PFKP: variants seen among roughly 807,000 people sequenced by gnomAD.
The protein encoded by PFKP is phosphofructokinase, platelet, also known as ATP-dependent 6-phosphofructokinase, platelet type.
Under a neutral mutation model 94.3 loss-of-function variants are expected in PFKP, and 101 were observed. That is an observed-to-expected ratio of 1.07 (90% CI 0.91 to 1.26). PFKP has a LOEUF of 1.26. Ranked by LOEUF, PFKP falls within the 50% of genes most tolerant of loss-of-function variation. The pLI is 0.00. For synonymous variants in PFKP, 573 were observed against 432.6 expected, an observed-to-expected ratio of 1.32 and a Z score of -4.03; for missense variants, 1,145 against 1,103.3, an observed-to-expected ratio of 1.04 and a Z score of -0.53.
intron 2 of PFKP, among the ~76,000 whole-genome samples, chr10:3,098,551 T>C (rs1588455022): frequency 6.6e-6 from 1 of 151,306 alleles, no homozygotes; most frequent in African/African-American, 2.4e-5. Context: ...GGCAGGCACC[T>C]GTAATCCCAG....
chr10:3,113,617 C>T (rs961277584), intron 13 of PFKP, 99 bp downstream of exon 13: 16 of 898,970 alleles, frequency 1.8e-5, no homozygotes, highest in Non-Finnish European at 2.5e-5. Context: ...CATACCTTTT[C>T]ATGCCTCAGT....
rs61731932 is a variant in PFKP at position 3,129,926 on chromosome 10, G to C, written c.1791G>C (p.Ala597=). The C allele has an allele frequency of 1.2e-6, 2 of 1,610,792 alleles. No homozygotes were observed. The highest frequency in any genetic ancestry group is 1.7e-4 in the Middle Eastern group (1 of 6,050). Residue 597 remains alanine (A), a synonymous_variant, in exon 17 of 22, where the codon GCG becomes GCC. Transcript: ENST00000381125. The part of the protein sequence containing the change: ...CGYLANMGGL[A]AGADAAYIFE... ...ACCTGGCCAACATGGGGGGGCTCGC[G>C]GCCGGAGCTGATGCCGCATACATTT...
intron 16 of PFKP, chr10:3,129,530 C>A: frequency 3.1e-5 from 13 of 416,224 alleles, no homozygotes; most frequent in Admixed American, 8.4e-5. Context: ...TCTTTTCCGT[C>A]CCCTTCTATG....
At chr10:3,104,327 G>C (rs916870050) in intron 5 of PFKP, among the ~76,000 whole-genome samples, 2 of 152,190 alleles carry the variant, frequency 1.3e-5, no homozygotes, top group African/African-American at 4.8e-5. Context: ...ACGGATTCAC[G>C]AAGTGTCGTG....
intron 1 of PFKP, chr10:3,069,308 C>T: frequency 1.3e-6 from 2 of 1,543,372 alleles, no homozygotes; most frequent in Non-Finnish European, 1.8e-6. Flanking sequence ...CGTGATGCAG[C>T]AGAGGATGGG....
intron 3 of PFKP, 48 bp downstream of exon 3, chr10:3,099,400 T>C (rs1588457558): frequency 7.1e-7 from 1 of 1,404,224 alleles, no homozygotes; most frequent in Non-Finnish European, 1.0e-6. Flanking sequence ...AGAGACTCTT[T>C]TATGTCTAGT....
intron 16 of PFKP, among the ~76,000 whole-genome samples, chr10:3,127,734 T>A (rs1838115177): frequency 6.6e-6 from 1 of 152,206 alleles, no homozygotes; most frequent in Non-Finnish European, 1.5e-5. Context: ...AGATGGGAAT[T>A]CTTCCCATTG....
chr10:3,076,031 A>AAAAAAAAAAAAAAAAT (rs1345659074), intron 1 of PFKP, among the ~76,000 whole-genome samples: 1 of 140,804 alleles, frequency 7.1e-6, no homozygotes, highest in East Asian at 2.2e-4. Context: ...AAAAAAAAAA[A>AAAAAAAAAAAAAAAAT]AAAAAAAAAG....
intron 19 of PFKP, among the ~76,000 whole-genome samples, chr10:3,133,956 C>CGTG (rs1182890537): frequency 1.3e-5 from 2 of 152,088 alleles, no homozygotes; most frequent in Non-Finnish European, 2.9e-5. Flanking sequence ...TACTTGACAC[C>CGTG]CCAAGTCAGA....
chr10:3,071,861 C>T (rs1242402719), intron 1 of PFKP, among the ~76,000 whole-genome samples: 4 of 152,218 alleles, frequency 2.6e-5, no homozygotes. Flanking sequence ...GTGGCAGGGC[C>T]TCAGTGATCC....
At chr10:3,112,307 C>T in intron 11 of PFKP, 21 bp downstream of exon 11, 1 of 1,599,550 alleles carries the variant, frequency 6.3e-7, no homozygotes, top group Non-Finnish European at 8.6e-7. Flanking sequence ...TTGGAGAAAG[C>T]TCTGCCCTGT....
intron 21 of PFKP, among the ~76,000 whole-genome samples, chr10:3,136,069 A>C (rs1016531886): frequency 2.0e-5 from 3 of 152,274 alleles, no homozygotes; most frequent in African/African-American, 7.2e-5. Context: ...ATCGAGACCA[A>C]CCTGGCTCAT....
At chr10:3,108,118 T>C in intron 8 of PFKP, 1 of 869,614 alleles carries the variant, frequency 1.1e-6, no homozygotes, top group Non-Finnish European at 1.6e-6. Context: ...AAGATTTTAT[T>C]TCCCGCTTAA....
At chr10:3,125,696 A>G (rs1362247892) in intron 16 of PFKP, among the ~76,000 whole-genome samples, 1 of 152,250 alleles carries the variant, frequency 6.6e-6, no homozygotes, top group African/African-American at 2.4e-5. Flanking sequence ...GGCTCTTTAG[A>G]GAGCCGAAAT....
intron 16 of PFKP, among the ~76,000 whole-genome samples, chr10:3,128,552 T>C (rs777404652): frequency 7.3e-4 from 111 of 152,186 alleles, no homozygotes; most frequent in Non-Finnish European, 1.0e-3. Flanking sequence ...GAGGCCAGAA[T>C]GTTTGCTCCA....
chr10:3,090,104 T>C lies in PFKP; in HGVS notation c.186+7643T>C, dbSNP rs79854171. ...TTTTTATTGGCTGAATAATATTCCA[T>C]TGTGTATCAAGATGTGGAATCAGTC... On this transcript the variant is annotated intron_variant, in intron 2 of 21. Coordinates refer to ENST00000381125, the MANE Select transcript of PFKP (RefSeq NM_002627.5). Among the ~76,000 whole-genome samples the C allele has an allele frequency of 8.7e-3, 1,318 of 152,334 alleles. 21 individuals carry two copies. Among genetic ancestry groups the C allele is most frequent in the African/African-American group, 0.03 (1,251 of 41,572 alleles).
At chr10:3,125,690 C>A (rs1490876796) in intron 16 of PFKP, among the ~76,000 whole-genome samples, 1 of 152,230 alleles carries the variant, frequency 6.6e-6, no homozygotes, top group African/African-American at 2.4e-5. Context: ...ACAAGAGGCT[C>A]TTTAGAGAGC....
At chr10:3,128,568 G>A (rs185664746) in intron 16 of PFKP, among the ~76,000 whole-genome samples, 19 of 152,358 alleles carry the variant, frequency 1.2e-4, no homozygotes, top group Admixed American at 3.3e-4. Flanking sequence ...CTCCAGGAGC[G>A]TCCCTCGTGG....
At chr10:3,116,874 C>T in intron 14 of PFKP, 28 bp downstream of exon 14, 3 of 1,517,002 alleles carry the variant, frequency 2.0e-6, no homozygotes, top group Non-Finnish European at 2.7e-6. Flanking sequence ...ACTCTATGAC[C>T]TGCTTTTAAG....
Sources: gnomAD v4.1 joint callset for allele counts (sites outside exome capture counted in the v4.1 genomes callset) on GRCh38, gnomAD v4.1.1 for gene constraint, MANE v1.5 for transcripts, NCBI Gene and HGNC (gene_info 2026-07-23, HGNC 2026-07-21) for gene names.